Variants in TMEM132C observed in about 807,000 individuals in gnomAD.
TMEM132C encodes protein phosphatase 1, regulatory subunit 152.
Under a neutral mutation model 61.4 loss-of-function variants are expected in TMEM132C, and 29 were observed. The ratio of observed to expected loss-of-function variants is 0.47; its 90% CI spans 0.35 to 0.64. TMEM132C has a LOEUF of 0.64. Ranked by LOEUF, TMEM132C falls within the 30% of genes least tolerant of loss-of-function variation. The probability of loss-of-function intolerance (pLI) is 0.00; values close to 1 mark genes in which losing one functional copy is unlikely to be tolerated. For missense variants in TMEM132C, 1,408 were observed against 1,476.9 expected (o/e 0.95, Z 0.76); for synonymous variants, 656 against 633.1 (o/e 1.04, Z -0.54).
chr12:128,643,327 G>T (rs539817776), intron 4 of TMEM132C, among the ~76,000 whole-genome samples: 9 of 152,302 alleles, frequency 5.9e-5, no homozygotes, highest in East Asian at 3.9e-4. Flanking sequence ...ACCCAGGGCC[G>T]CAAGGGAGGC....
intron 1 of TMEM132C, among the ~76,000 whole-genome samples, chr12:128,337,509 C>G (rs1199580022): frequency 2.0e-5 from 3 of 152,126 alleles, no homozygotes; most frequent in Admixed American, 2.0e-4. Context: ...TCCACCAATA[C>G]GAAATGTTTT....
At chr12:128,311,428 T>TG (rs1310146662) in intron 1 of TMEM132C, among the ~76,000 whole-genome samples, 1 of 152,232 alleles carries the variant, frequency 6.6e-6, no homozygotes, top group Non-Finnish European at 1.5e-5. Context: ...AGGGGACTGA[T>TG]GCTGTGGCCC....
chr12:128,489,424 T>G (rs1440092367), intron 2 of TMEM132C, among the ~76,000 whole-genome samples: 2 of 151,566 alleles, frequency 1.3e-5, no homozygotes, highest in Admixed American at 1.3e-4. Context: ...ACAGAGCGTT[T>G]AAGGGCTTGC....
chr12:128,444,292 C>T (rs1046673486), intron 2 of TMEM132C, among the ~76,000 whole-genome samples: 2 of 152,122 alleles, frequency 1.3e-5, no homozygotes, highest in East Asian at 3.9e-4. Context: ...ATCTTTGCAC[C>T]GTGGATTTGT....
chr12:128,372,809 TA>T (rs1874069868), intron 1 of TMEM132C, among the ~76,000 whole-genome samples: 1 of 152,034 alleles, frequency 6.6e-6, no homozygotes, highest in Admixed American at 6.6e-5. Flanking sequence ...GGCTTTATCG[TA>T]ACCAGAGTGA....
intron 2 of TMEM132C, among the ~76,000 whole-genome samples, chr12:128,421,675 C>T (rs1321898678): frequency 1.3e-5 from 2 of 152,176 alleles, no homozygotes; most frequent in African/African-American, 2.4e-5. Context: ...AGGCAACCCT[C>T]GCTTTATAAT....
At chr12:128,312,029 G>A (rs979223428) in intron 1 of TMEM132C, among the ~76,000 whole-genome samples, 21 of 152,316 alleles carry the variant, frequency 1.4e-4, no homozygotes, top group Non-Finnish European at 8.8e-5. Context: ...GGGCTGACTC[G>A]GTTTGCAAAG....
intron 2 of TMEM132C, among the ~76,000 whole-genome samples, chr12:128,416,164 A>G (rs1868776133): frequency 1.3e-5 from 2 of 152,218 alleles, no homozygotes. Context: ...CATGCCGGGC[A>G]TAAAACTCTT....
chr12:128,505,898 G>A (rs1425009518), intron 2 of TMEM132C, among the ~76,000 whole-genome samples: 1 of 113,518 alleles, frequency 8.8e-6, no homozygotes, highest in Non-Finnish European at 1.9e-5. Context: ...GTGGGATTTG[G>A]GATGGCACTT....
chr12:128,469,640 TTGTGTG>T (rs745661735), intron 2 of TMEM132C, among the ~76,000 whole-genome samples: 2 of 146,596 alleles, frequency 1.4e-5, no homozygotes, highest in Non-Finnish European at 3.0e-5. Flanking sequence ...GTGTGTGTGT[TTGTGTG>T]TGTGTGTGTG....
At chr12:128,621,523 A>C (rs1953963339) in intron 4 of TMEM132C, among the ~76,000 whole-genome samples, 1 of 152,224 alleles carries the variant, frequency 6.6e-6, no homozygotes, top group African/African-American at 2.4e-5. Context: ...AGAGGCAAGG[A>C]CGGTTCTCTC....
In TMEM132C at chr12:128,705,795, A is replaced by G; in HGVS notation, c.2827A>G (p.Ile943Val). The G allele has an allele frequency of 6.4e-7, 1 of 1,551,576 alleles. No individual in the cohort carries two copies. Among genetic ancestry groups the G allele is most frequent in the Non-Finnish European group, 8.7e-7 (1 of 1,147,050 alleles). ...CTGCCTGGCCATCCTCGTCTTCCTG[A>G]TCAACTGCGCCACCTTTGCCCTGAA... is the stretch of plus-strand genomic sequence containing the variant. ...VFCLAILVFL[I>V]NCATFALKYR... Residue 943 changes from isoleucine (I) to valine (V), a missense_variant, in exon 9 of 9, where the codon ATC becomes GTC. Coordinates refer to ENST00000435159, the MANE Select transcript of TMEM132C (RefSeq NM_001136103.3).
At chr12:128,589,980 G>A (rs769359317) in intron 3 of TMEM132C, among the ~76,000 whole-genome samples, 2 of 152,146 alleles carry the variant, frequency 1.3e-5, no homozygotes, top group Non-Finnish European at 2.9e-5. Flanking sequence ...AATCATTACT[G>A]TGCCTTCCTC....
At chr12:128,342,195 G>A (rs933159055) in intron 1 of TMEM132C, among the ~76,000 whole-genome samples, 2 of 152,122 alleles carry the variant, frequency 1.3e-5, no homozygotes, top group Middle Eastern at 3.4e-3. Flanking sequence ...TTTTAGTAGA[G>A]TTGGGGTGTC....
At position 128,563,039 on chromosome 12, in the gene TMEM132C, A is replaced by G. The variant is rs141653916; in HGVS notation, c.1121+18936A>G. ...CTGCCTTCTTTTAAGTGCAGGACCC[A>G]GAAGCTCTTGACCCAGAAGCTCTGT... is the stretch of plus-strand genomic sequence containing the variant. On this transcript the variant is annotated intron_variant, in intron 3 of 8. Transcript: ENST00000435159. Among the ~76,000 whole-genome samples, 505 of 152,358 alleles carry G rather than the reference A, an allele frequency of 3.3e-3. 10 individuals are homozygous for G. Among genetic ancestry groups the G allele is most frequent in the African/African-American group, 0.011 (475 of 41,588 alleles).
rs374986798 is a variant in TMEM132C, at chr12:128,459,859, C to CG, written c.974+44242dup. Among the ~76,000 whole-genome samples the CG allele has an allele frequency of 2.8e-4, 34 of 120,966 alleles. 1 individual carries two copies. Among genetic ancestry groups the CG allele is most frequent in the African/African-American group, 1.0e-3 (33 of 32,476 alleles). The allele number at this position is 120,966 out of a possible 152,430, so 79.4% of individuals were successfully genotyped here. A position where few individuals can be genotyped will look rare whatever the true frequency, so the allele number is the denominator to read the frequency against. On this transcript the variant is annotated intron_variant, in intron 2 of 8. Coordinates refer to ENST00000435159, the MANE Select transcript of TMEM132C (RefSeq NM_001136103.3). ...GAGATTGTGCCACTGCACTCCAGCC[C>CG]GGGCAACAGAGCAAGACTCTGTCTC... is the stretch of plus-strand genomic sequence containing the variant.
At chr12:128,651,070 C>T (rs1954264014) in intron 4 of TMEM132C, among the ~76,000 whole-genome samples, 1 of 152,210 alleles carries the variant, frequency 6.6e-6, no homozygotes, top group African/African-American at 2.4e-5. Context: ...GCCCAGATTT[C>T]TAAATCCACC....
chr12:128,493,437 G>A (rs1014414785), intron 2 of TMEM132C, among the ~76,000 whole-genome samples: 7 of 152,136 alleles, frequency 4.6e-5, no homozygotes, highest in African/African-American at 1.7e-4. Flanking sequence ...AAATTACCTT[G>A]GGCAGTATGG....
At chr12:128,515,736 G>A (rs1872696717) in intron 2 of TMEM132C, among the ~76,000 whole-genome samples, 1 of 152,166 alleles carries the variant, frequency 6.6e-6, no homozygotes, top group Admixed American at 6.5e-5. Context: ...TTGGGAGGCT[G>A]AGGCAGGAGA....
Sources: gnomAD v4.1 joint callset for allele counts (sites outside exome capture counted in the v4.1 genomes callset) on GRCh38, gnomAD v4.1.1 for gene constraint, MANE v1.5 for transcripts, NCBI Gene and HGNC (gene_info 2026-07-23, HGNC 2026-07-21) for gene names.